Variants in SERPINC1 observed in about 807,000 individuals in gnomAD.
The protein encoded by SERPINC1 is antithrombin-III.
SERPINC1 carries 12 observed loss-of-function variants against 43.4 expected under a neutral mutation model. The observed-to-expected ratio is 0.28, with a 90% CI of 0.18 to 0.45. The LOEUF (loss-of-function observed/expected upper bound fraction) is 0.45. Ranked by LOEUF, SERPINC1 falls within the 20% of genes least tolerant of loss-of-function variation. The pLI is 1.00. For synonymous variants in SERPINC1, 210 were observed against 218.9 expected (o/e 0.96, Z 0.36); for missense variants, 423 against 578.8 (o/e 0.73, Z 2.76).
Position 173,905,984 on chromosome 1 carries a change from A to G in SERPINC1, c.1218+1466T>C, listed in dbSNP as rs190674350. ...ACTTTCCTCTGAGTTTGATCCCTGG[A>G]TCTATATTTACTTAGCACCATCCTC... On this transcript the variant is annotated intron_variant, in intron 6 of 6. Transcript: ENST00000367698. Among the ~76,000 whole-genome samples the G allele has an allele frequency of 4.6e-5, 7 of 152,212 alleles. No individual in the cohort carries two copies. In the East Asian group the frequency reaches 9.7e-4, roughly 21 times the overall value.
chr1:173,912,096 C>G (rs1286889614), intron 2 of SERPINC1, 82 bp from the exon 3 acceptor site: 59 of 964,694 alleles, frequency 6.1e-5, no homozygotes, highest in Non-Finnish European at 9.8e-5. Flanking sequence ...TGGTCAGTCT[C>G]TGACTAATAG....
intron 3 of SERPINC1, 53 bp downstream of exon 3, chr1:173,911,746 T>C: frequency 2.9e-6 from 4 of 1,393,648 alleles, no homozygotes; most frequent in East Asian, 2.3e-5. Flanking sequence ...ACCTCCTCAA[T>C]CTCTGAGTGG....
intron 4 of SERPINC1, 82 bp downstream of exon 4, chr1:173,910,672 G>T: frequency 1.4e-6 from 2 of 1,391,596 alleles, no homozygotes; most frequent in East Asian, 2.3e-5. Flanking sequence ...TCAGGGCTTC[G>T]GTCTCGCCAT....
chr1:173,907,453 A>G lies in SERPINC1; in HGVS notation c.1215T>C (p.Leu405=), dbSNP rs1657563380. ...YVSDAFHKAF[L]EVNEEGSEAA... ...AGAGTGGGGAAGGTGTACTCACCTC[A>G]AGAAATGCCTTATGGAATGCATCTG... The change falls in exon 6 of 7, where the codon CTT becomes CTC. Residue 405 remains leucine (L), a synonymous_variant. Coordinates refer to ENST00000367698, the MANE Select transcript of SERPINC1 (RefSeq NM_000488.4). 2 of 1,611,548 alleles carry G rather than the reference A, an allele frequency of 1.2e-6. No homozygotes were observed. Among genetic ancestry groups the G allele is most frequent in the Non-Finnish European group, 1.7e-6 (2 of 1,177,662 alleles).
chr1:173,911,785 C>G lies in SERPINC1; in HGVS notation c.624+14G>C, dbSNP rs753863260. ...GGAAGAACTCGGAGGTCAGGGGTAA[C>G]ATCTGCAACTCACCTTGAAGTCCAG... is the stretch of plus-strand genomic sequence containing the variant. On this transcript the variant is annotated intron_variant, in intron 3 of 6. Coordinates refer to ENST00000367698, the MANE Select transcript of SERPINC1 (RefSeq NM_000488.4). The G allele has an allele frequency of 7.5e-6, 12 of 1,604,118 alleles. No homozygotes were observed. Among genetic ancestry groups the G allele is most frequent in the Non-Finnish European group, 1.0e-5 (12 of 1,170,908 alleles).
intron 6 of SERPINC1, among the ~76,000 whole-genome samples, chr1:173,904,791 G>A (rs762859962): frequency 2.6e-5 from 4 of 151,794 alleles, no homozygotes; most frequent in Non-Finnish European, 4.4e-5. Context: ...TTCCTTACCC[G>A]CTATCTCCCC....
chr1:173,908,620 G>A (rs1038765815), intron 5 of SERPINC1, among the ~76,000 whole-genome samples: 18 of 151,938 alleles, frequency 1.2e-4, no homozygotes, highest in African/African-American at 4.4e-4. Flanking sequence ...GAGTGCAGTG[G>A]TGTGATCACA....
At chr1:173,916,349 T>C (rs918856886) in intron 1 of SERPINC1, among the ~76,000 whole-genome samples, 7 of 152,136 alleles carry the variant, frequency 4.6e-5, no homozygotes, top group Non-Finnish European at 7.4e-5. Context: ...TTCACGGACG[T>C]GGTCCGTTGG....
intron 5 of SERPINC1, 33 bp downstream of exon 5, chr1:173,909,515 CGGGT>C (rs750144360): frequency 8.1e-6 from 13 of 1,609,304 alleles, no homozygotes; most frequent in Admixed American, 1.7e-5. Flanking sequence ...GACTACCTTG[CGGGT>C]GGAGAAGGGA....
At chr1:173,906,682 T>C (rs1240111582) in intron 6 of SERPINC1, among the ~76,000 whole-genome samples, 1 of 151,870 alleles carries the variant, frequency 6.6e-6, no homozygotes, top group East Asian at 1.9e-4. Context: ...AGGGTCTCAC[T>C]ATGTTGCTCA....
At chr1:173,912,566 A>C (rs1221499177) in intron 2 of SERPINC1, among the ~76,000 whole-genome samples, 1 of 152,182 alleles carries the variant, frequency 6.6e-6, no homozygotes, top group African/African-American at 2.4e-5. Flanking sequence ...TCCCCAAGGC[A>C]AAATGGGTGA....
intron 3 of SERPINC1, 103 bp from the exon 4 acceptor site, chr1:173,910,994 C>A (rs1657750540): frequency 3.7e-6 from 5 of 1,350,170 alleles, no homozygotes; most frequent in Non-Finnish European, 5.3e-6. Flanking sequence ...CTGTCCTTTC[C>A]CACCATTTGA....
intron 6 of SERPINC1, 120 bp from the exon 7 acceptor site, chr1:173,904,185 T>G: frequency 1.1e-6 from 1 of 902,198 alleles, no homozygotes. Flanking sequence ...AAAAGTACAT[T>G]TGGGTCAGGT....
chr1:173,912,150 C>T, intron 2 of SERPINC1, 136 bp from the exon 3 acceptor site: 1 of 700,278 alleles, frequency 1.4e-6, no homozygotes, highest in Non-Finnish European at 2.6e-6. Context: ...CCTGGGACAG[C>T]ATAAATGCTC....
At chr1:173,911,682 G>T in intron 3 of SERPINC1, 117 bp downstream of exon 3, 1 of 837,038 alleles carries the variant, frequency 1.2e-6, no homozygotes, top group Non-Finnish European at 2.1e-6. Context: ...CTTTTAGTCA[G>T]CCCTCCAGCA....
intron 6 of SERPINC1, among the ~76,000 whole-genome samples, chr1:173,904,725 T>TTGA (rs879875644): frequency 2.0e-4 from 30 of 152,316 alleles, no homozygotes; most frequent in African/African-American, 7.2e-4. Flanking sequence ...GTGGAGCTGG[T>TTGA]TGATGATGTC....
intron 1 of SERPINC1, among the ~76,000 whole-genome samples, chr1:173,916,563 C>A (rs927526018): frequency 1.3e-5 from 2 of 151,772 alleles, no homozygotes; most frequent in African/African-American, 4.9e-5. Context: ...ATCTCCACTG[C>A]CTTCGGTTGC....
rs570016447 is a variant in SERPINC1 at position 173,915,966 on chromosome 1, A to AACCCCAGAGTCAATCAGTTC, written c.42-1067_42-1048dup. ...TCCCTCTCTCCTCCTCATTTAGTCA[A>AACCCCAGAGTCAATCAGTTC]ACCCCAGAGTCAATCAGTTCACCCC... On this transcript the variant is annotated intron_variant, in intron 1 of 6. Coordinates refer to ENST00000367698, the MANE Select transcript of SERPINC1 (RefSeq NM_000488.4). Among the ~76,000 whole-genome samples the AACCCCAGAGTCAATCAGTTC allele has an allele frequency of 9.0e-4, 137 of 152,196 alleles. 1 individual carries two copies. The highest frequency in any genetic ancestry group is 3.1e-3 in the African/African-American group (130 of 41,528).
intron 2 of SERPINC1, among the ~76,000 whole-genome samples, chr1:173,913,894 G>A (rs915333296): frequency 4.0e-5 from 6 of 151,012 alleles, no homozygotes; most frequent in Non-Finnish European, 8.8e-5. Context: ...GTCTGGCCAC[G>A]TGGTGAAACC....
Sources: allele counts gnomAD v4.1 joint callset (sites outside exome capture counted in the v4.1 genomes callset), GRCh38; gene constraint gnomAD v4.1.1; transcripts MANE v1.5; gene names NCBI Gene and HGNC (gene_info 2026-07-23, HGNC 2026-07-21).